Variants in PLXNA4 observed in about 807,000 individuals in gnomAD.
PLXNA4 encodes the protein plexin A4.
Under a neutral mutation model 191.8 loss-of-function variants are expected in PLXNA4, and 44 were observed. The observed-to-expected ratio is 0.23, with a 90% CI of 0.18 to 0.29. PLXNA4 has a LOEUF of 0.29. Ranked by LOEUF, PLXNA4 falls within the 10% of genes least tolerant of loss-of-function variation. The pLI is 1.00. For synonymous variants in PLXNA4, 1,082 were observed against 1,009.5 expected (o/e 1.07, Z -1.36); for missense variants, 1,800 against 2,488.8 (o/e 0.72, Z 5.89).
intron 3 of PLXNA4, among the ~76,000 whole-genome samples, chr7:132,426,675 A>G (rs1232935237): frequency 6.6e-6 from 1 of 152,154 alleles, no homozygotes; most frequent in Non-Finnish European, 1.5e-5. Context: ...AGACAGTTTC[A>G]AAACATATAG....
At chr7:132,275,691 A>G (rs1800249258) in intron 4 of PLXNA4, among the ~76,000 whole-genome samples, 1 of 152,082 alleles carries the variant, frequency 6.6e-6, no homozygotes, top group South Asian at 2.1e-4. Flanking sequence ...GATTGCTGCT[A>G]TTGTGGATGG....
At chr7:132,635,133 T>C (rs1030971494) in intron 2 of PLXNA4, among the ~76,000 whole-genome samples, 1 of 149,390 alleles carries the variant, frequency 6.7e-6, no homozygotes, top group Non-Finnish European at 1.5e-5. Context: ...TTGTGGGACC[T>C]TGTGATGGTG....
chr7:132,178,424 C>A (rs1796548640), intron 20 of PLXNA4, among the ~76,000 whole-genome samples: 1 of 152,154 alleles, frequency 6.6e-6, no homozygotes, highest in African/African-American at 2.4e-5. Flanking sequence ...TTTTATCAGT[C>A]TGCAGCTTTC....
At chr7:132,149,606 A>T (rs1795535559) in intron 25 of PLXNA4, among the ~76,000 whole-genome samples, 1 of 152,230 alleles carries the variant, frequency 6.6e-6, no homozygotes, top group African/African-American at 2.4e-5. Context: ...ATTCAAATGC[A>T]ACGTGTGTTC....
rs543165126 is a variant in PLXNA4 at position 132,183,188 on chromosome 7, C to G, written c.3159-998G>C. Among the ~76,000 whole-genome samples the G allele has an allele frequency of 4.6e-5, 7 of 152,344 alleles. No individual in the cohort carries two copies. In the East Asian group the frequency reaches 1.4e-3, roughly 29 times the overall value. Reference sequence around the variant, plus strand: ...TTTATATTGCCAGTTGCTTCTCCCTCTCTCCTTGCTCACATGCGCGCACAC... The same window carrying G: ...TTTATATTGCCAGTTGCTTCTCCCTGTCTCCTTGCTCACATGCGCGCACAC... On this transcript the variant is annotated intron_variant, in intron 16 of 31. Coordinates refer to ENST00000321063, the MANE Select transcript of PLXNA4 (RefSeq NM_020911.2).
Position 132,168,469 on chromosome 7 carries a change from G to A in PLXNA4, c.4121C>T (p.Ser1374Phe). The change falls in exon 22 of 32, where the codon TCC (serine) becomes TTC (phenylalanine). Residue 1374 changes from serine (S) to phenylalanine (F), a missense_variant. Ser to Phe is a radical substitution (Grantham distance 155, BLOSUM62 -2). Coordinates refer to ENST00000321063, the MANE Select transcript of PLXNA4 (RefSeq NM_020911.2). The stretch of plus-strand genomic sequence containing the variant: ...GTCGCGCATGGAGAAGCTACGCTGG[G>A]ACTCAAGCGTGCGGATGAAGGACAG... ...FLLSFIRTLE[S>F]QRSFSMRDRG... The A allele has an allele frequency of 6.2e-7, 1 of 1,614,014 alleles. No individual in the cohort carries two copies. Among genetic ancestry groups the A allele is most frequent in the Non-Finnish European group, 8.5e-7 (1 of 1,179,908 alleles).
intron 3 of PLXNA4, among the ~76,000 whole-genome samples, chr7:132,354,330 A>C (rs1026551085): frequency 2.0e-5 from 3 of 152,124 alleles, no homozygotes; most frequent in Non-Finnish European, 1.5e-5. Context: ...TTTTTATTTG[A>C]AACCCACTGG....
At chr7:132,547,477 C>T (rs927985882) in intron 1 of PLXNA4, among the ~76,000 whole-genome samples, 1 of 152,182 alleles carries the variant, frequency 6.6e-6, no homozygotes, top group Non-Finnish European at 1.5e-5. Flanking sequence ...AATGTGGTTG[C>T]ACCCATTTCT....
rs61356580 is a variant in PLXNA4, at chr7:132,386,695, G to A, written c.1372-88473C>T. Among the ~76,000 whole-genome samples the A allele has an allele frequency of 4.5e-3, 691 of 152,274 alleles. 32 individuals carry two copies. The East Asian group carries it at 0.095, about 21-fold the overall frequency. ...CGTCTGAAATACCCAGCATTCTGCCGTGGAAAGAAAACATTGAGCTCGGAA... is the reference window on the plus strand; with the variant it reads ...CGTCTGAAATACCCAGCATTCTGCCATGGAAAGAAAACATTGAGCTCGGAA... On this transcript the variant is annotated intron_variant, in intron 3 of 31. Coordinates refer to ENST00000321063, the MANE Select transcript of PLXNA4 (RefSeq NM_020911.2).
intron 3 of PLXNA4, among the ~76,000 whole-genome samples, chr7:132,404,876 C>G (rs1054777892): frequency 2.0e-5 from 3 of 152,090 alleles, no homozygotes; most frequent in Non-Finnish European, 4.4e-5. Context: ...AAAGACGAAG[C>G]TTCAGGGGGA....
intron 3 of PLXNA4, among the ~76,000 whole-genome samples, chr7:132,479,959 C>T (rs1797275167): frequency 6.6e-6 from 1 of 152,124 alleles, no homozygotes; most frequent in African/African-American, 2.4e-5. Flanking sequence ...CGCCTGGCCT[C>T]TTTGCATTTT....
intron 1 of PLXNA4, among the ~76,000 whole-genome samples, chr7:132,574,726 G>C (rs1224765829): frequency 6.6e-6 from 1 of 152,182 alleles, no homozygotes; most frequent in African/African-American, 2.4e-5. Context: ...CCCTCCCGGG[G>C]TGTCTGCGCT....
At chr7:132,387,840 G>A (rs1390961846) in intron 3 of PLXNA4, among the ~76,000 whole-genome samples, 1 of 152,046 alleles carries the variant, frequency 6.6e-6, no homozygotes, top group East Asian at 1.9e-4. Flanking sequence ...TCATTCACCA[G>A]GTCTCTATGC....
chr7:132,234,500 G>A (rs1199698301), intron 5 of PLXNA4, among the ~76,000 whole-genome samples: 2 of 152,060 alleles, frequency 1.3e-5, no homozygotes, highest in South Asian at 2.1e-4. Flanking sequence ...AGACTGGGAG[G>A]GACATTGAGA....
intron 3 of PLXNA4, among the ~76,000 whole-genome samples, chr7:132,302,840 T>C (rs767022484): frequency 5.9e-5 from 9 of 152,104 alleles, no homozygotes; most frequent in Non-Finnish European, 1.0e-4. Context: ...ACTTGTAACA[T>C]GACAACTTGA....
chr7:132,220,808 TTC>T (rs1798118519), intron 9 of PLXNA4, among the ~76,000 whole-genome samples: 1 of 134,790 alleles, frequency 7.4e-6, no homozygotes, highest in African/African-American at 2.9e-5. Flanking sequence ...TCTTATTTTA[TTC>T]TTTTTTTTTT....
chr7:132,640,221 C>G (rs1803712079), intron 2 of PLXNA4, among the ~76,000 whole-genome samples: 3 of 152,184 alleles, frequency 2.0e-5, no homozygotes, highest in African/African-American at 7.2e-5. Context: ...GTGCTGGGTG[C>G]TGGGGTACAC....
upstream of PLXNA4, chr7:132,577,447 C>G (rs1035822933): frequency 6.6e-6 from 1 of 151,692 alleles, no homozygotes; most frequent in African/African-American, 2.4e-5. Context: ...CCGCCCGCCG[C>G]CCGCCGCCGC....
intron 17 of PLXNA4, 47 bp from the exon 18 acceptor site, chr7:132,181,667 C>T (rs766252908): frequency 1.9e-6 from 3 of 1,601,574 alleles, no homozygotes; most frequent in Non-Finnish European, 2.6e-6. Flanking sequence ...TCTCCACATA[C>T]CCACAGCCCC....
Sources: gnomAD v4.1 joint callset for allele counts (sites outside exome capture counted in the v4.1 genomes callset) on GRCh38, gnomAD v4.1.1 for gene constraint, MANE v1.5 for transcripts, NCBI Gene and HGNC (gene_info 2026-07-23, HGNC 2026-07-21) for gene names.